The following STRBP variants were observed in gnomAD, a reference collection of about 807,000 sequenced individuals.
STRBP encodes spermatid perinuclear RNA binding protein.
STRBP carries 13 observed loss-of-function variants against 80.1 expected under a neutral mutation model. The ratio of observed to expected loss-of-function variants is 0.16; its 90% CI spans 0.11 to 0.26. STRBP has a LOEUF of 0.26. Ranked by LOEUF, STRBP falls within the 10% of genes least tolerant of loss-of-function variation. STRBP has a pLI of 1.00. For synonymous variants in STRBP, 284 were observed against 291.2 expected, an observed-to-expected ratio of 0.98 and a Z score of 0.25; for missense variants, 485 against 815.2, an observed-to-expected ratio of 0.59 and a Z score of 4.93.
intron 5 of STRBP, 90 bp downstream of exon 5, chr9:123,173,587 T>C (rs1357239209): frequency 2.9e-6 from 4 of 1,373,562 alleles, no homozygotes; most frequent in Admixed American, 4.4e-5. Context: ...CTATTAGCTA[T>C]TAGCAATTCT....
chr9:123,147,665 G>A (rs1164138137), intron 12 of STRBP, 113 bp downstream of exon 12: 2 of 856,430 alleles, frequency 2.3e-6, no homozygotes, highest in East Asian at 6.0e-5. Flanking sequence ...GTGACAGAAT[G>A]AGAACCGATC....
chr9:123,213,540 T>C (rs2039785347), intron 2 of STRBP: 1 of 152,168 alleles, frequency 6.6e-6, no homozygotes, highest in Non-Finnish European at 1.5e-5. Context: ...AATATGATTA[T>C]ACCAACTGGA....
intron 1 of STRBP, among the ~76,000 whole-genome samples, chr9:123,263,667 G>C (rs2041206575): frequency 6.6e-6 from 1 of 151,268 alleles, no homozygotes; most frequent in South Asian, 2.1e-4. Flanking sequence ...CCCTCAAATA[G>C]AGCATTACCT....
intron 2 of STRBP, among the ~76,000 whole-genome samples, chr9:123,212,347 C>T (rs914690820): frequency 2.0e-5 from 3 of 152,066 alleles, no homozygotes; most frequent in Admixed American, 6.6e-5. Context: ...AAGCATTTGT[C>T]GAATGATTTT....
At chr9:123,118,797 C>T (rs2035685716), downstream of STRBP, among the ~76,000 whole-genome samples, 1 of 152,308 alleles carries the variant, frequency 6.6e-6, no homozygotes, top group Non-Finnish European at 1.5e-5. Flanking sequence ...ACTTAGCTCA[C>T]CTCTTACCAA....
intron 2 of STRBP, among the ~76,000 whole-genome samples, chr9:123,223,185 T>C (rs1714925777): frequency 6.6e-6 from 1 of 152,062 alleles, no homozygotes; most frequent in South Asian, 2.1e-4. Context: ...ACAATAAAAA[T>C]ATCAATAGTT....
chr9:123,127,276 GAGAAA>G (rs2035933291), intron 18 of STRBP, among the ~76,000 whole-genome samples: 1 of 152,228 alleles, frequency 6.6e-6, no homozygotes, highest in Non-Finnish European at 1.5e-5. Context: ...GATGCATGAA[GAGAAA>G]ATGCACAATG....
At chr9:123,208,664 T>G (rs1328031203) in intron 2 of STRBP, among the ~76,000 whole-genome samples, 3 of 152,174 alleles carry the variant, frequency 2.0e-5, no homozygotes, top group Admixed American at 1.3e-4. Context: ...TACCACATGG[T>G]CTTTCTTGCA....
chr9:123,239,398 G>A (rs113267761), intron 1 of STRBP, among the ~76,000 whole-genome samples: 3 of 151,988 alleles, frequency 2.0e-5, no homozygotes, highest in African/African-American at 7.2e-5. Flanking sequence ...AAAATGGAAT[G>A]CCTATCGGGC....
intron 2 of STRBP, among the ~76,000 whole-genome samples, chr9:123,235,333 G>A (rs1337192628): frequency 6.7e-6 from 1 of 150,266 alleles, no homozygotes; most frequent in African/African-American, 2.4e-5. Flanking sequence ...ATATGTGTAT[G>A]TTAAAATAAT....
chr9:123,206,401 G>C (rs1017918899), intron 2 of STRBP, among the ~76,000 whole-genome samples: 1 of 152,114 alleles, frequency 6.6e-6, no homozygotes, highest in African/African-American at 2.4e-5. Flanking sequence ...TTTTGGAATG[G>C]GGGAGTCATA....
chr9:123,162,230 C>CTT (rs60242197), intron 6 of STRBP, among the ~76,000 whole-genome samples: 1 of 146,568 alleles, frequency 6.8e-6, no homozygotes, highest in Admixed American at 6.7e-5. Flanking sequence ...TGGTTTTTTT[C>CTT]TTTTTTTTTT....
intron 18 of STRBP, among the ~76,000 whole-genome samples, chr9:123,127,993 G>C (rs1402990005): frequency 6.6e-6 from 1 of 152,200 alleles, no homozygotes; most frequent in Non-Finnish European, 1.5e-5. Flanking sequence ...CAGGCAATTA[G>C]AACAAGCAGT....
At chr9:123,134,316 T>C (rs2132316526) in intron 16 of STRBP, among the ~76,000 whole-genome samples, 1 of 152,338 alleles carries the variant, frequency 6.6e-6, no homozygotes, top group East Asian at 1.9e-4. Context: ...AGAGTCAGAA[T>C]ACATACACAT....
intron 1 of STRBP, among the ~76,000 whole-genome samples, chr9:123,241,381 C>A (rs2040691747): frequency 6.6e-6 from 1 of 151,372 alleles, no homozygotes; most frequent in Non-Finnish European, 1.5e-5. Flanking sequence ...GTGGTGCGCA[C>A]GCCTACGATC....
At chr9:123,220,848 G>A (rs1286641025) in intron 2 of STRBP, among the ~76,000 whole-genome samples, 1 of 152,088 alleles carries the variant, frequency 6.6e-6, no homozygotes, top group Non-Finnish European at 1.5e-5. Flanking sequence ...GACTTAGCAG[G>A]GTTAAGTGAC....
chr9:123,131,522 C>A (rs1320581732), intron 17 of STRBP, among the ~76,000 whole-genome samples: 1 of 152,244 alleles, frequency 6.6e-6, no homozygotes, highest in African/African-American at 2.4e-5. Flanking sequence ...ACTCTCCCAT[C>A]CCAGTCTTCT....
At chr9:123,131,838 C>T (rs999622994) in intron 17 of STRBP, among the ~76,000 whole-genome samples, 1 of 152,206 alleles carries the variant, frequency 6.6e-6, no homozygotes, top group African/African-American at 2.4e-5. Context: ...AAAGCCACAT[C>T]ATAAAATTTC....
At chr9:123,167,594 G>A (rs1002622743) in intron 6 of STRBP, among the ~76,000 whole-genome samples, 26 of 151,840 alleles carry the variant, frequency 1.7e-4, no homozygotes, top group African/African-American at 5.8e-4. Context: ...GATATCAAGT[G>A]AGTCAACAGG....
Sources: gnomAD v4.1 joint callset for allele counts (sites outside exome capture counted in the v4.1 genomes callset) on GRCh38, gnomAD v4.1.1 for gene constraint, MANE v1.5 for transcripts, NCBI Gene and HGNC (gene_info 2026-07-23, HGNC 2026-07-21) for gene names.